Variants in AGBL4 observed in about 807,000 individuals in gnomAD.
The protein encoded by AGBL4 is cytosolic carboxypeptidase 6.
Under a neutral mutation model 66.4 loss-of-function variants are expected in AGBL4, and 58 were observed. The ratio of observed to expected loss-of-function variants is 0.87; its 90% confidence interval spans 0.71 to 1.09. The LOEUF is 1.09. AGBL4 is among the 50% of genes least tolerant of loss of function. The probability of loss-of-function intolerance (pLI) is 0.00; values close to 1 mark genes in which losing one functional copy is unlikely to be tolerated. For synonymous variants in AGBL4, 234 were observed against 222.9 expected, an observed-to-expected ratio of 1.05 and a Z score of -0.44; for missense variants, 579 against 631.0, an observed-to-expected ratio of 0.92 and a Z score of 0.88.
chr1:49,477,067 T>C (rs1236739545), intron 3 of AGBL4, among the ~76,000 whole-genome samples: 1 of 152,026 alleles, frequency 6.6e-6, no homozygotes, highest in Non-Finnish European at 1.5e-5. Flanking sequence ...GAATACCAGG[T>C]AGGTTTTTTA....
intron 3 of AGBL4, among the ~76,000 whole-genome samples, chr1:49,327,423 T>C (rs890876718): frequency 6.6e-6 from 1 of 152,222 alleles, no homozygotes. Context: ...AGTCCATTCA[T>C]GCTGTCATAC....
intron 12 of AGBL4, among the ~76,000 whole-genome samples, chr1:48,539,322 T>C (rs573578936): frequency 6.6e-6 from 1 of 152,264 alleles, no homozygotes; most frequent in Admixed American, 6.5e-5. Flanking sequence ...GGATGAGGTA[T>C]CAGGAGAGGT....
At chr1:49,006,167 G>C (rs546156428) in intron 5 of AGBL4, among the ~76,000 whole-genome samples, 2 of 152,118 alleles carry the variant, frequency 1.3e-5, no homozygotes, top group African/African-American at 2.4e-5. Context: ...CAGTGGGTGC[G>C]TGCACCGTGC....
intron 1 of AGBL4, among the ~76,000 whole-genome samples, chr1:49,867,460 G>A (rs1016579256): frequency 3.3e-5 from 5 of 150,796 alleles, no homozygotes; most frequent in African/African-American, 7.3e-5. Flanking sequence ...ATTTACATTA[G>A]GTATATCTCC....
intron 6 of AGBL4, among the ~76,000 whole-genome samples, chr1:48,863,909 G>T (rs1014551679): frequency 5.3e-5 from 8 of 151,916 alleles, no homozygotes; most frequent in African/African-American, 1.9e-4. Flanking sequence ...AGCCACAAAA[G>T]TAAAGCCTAT....
chr1:49,547,789 C>A lies in AGBL4; in HGVS notation c.282+149524G>T, dbSNP rs555557990. Among the ~76,000 whole-genome samples, 590 of 112,052 alleles carry A rather than the reference C, an allele frequency of 5.3e-3. 2 individuals are homozygous for A. The highest frequency in any genetic ancestry group is 0.021 in the Middle Eastern group (4 of 188). The allele number at this position is 112,052 out of a possible 152,430, so 73.5% of individuals were successfully genotyped here. On this transcript the variant is annotated intron_variant, in intron 3 of 13. Coordinates refer to ENST00000371839, the MANE Select transcript of AGBL4 (RefSeq NM_032785.4). ...AGGGGTTGAGTCTTTTTTTTTTTTT[C>A]TTGAGACAGAGTCTTACTCTGTCAC... is the stretch of plus-strand genomic sequence containing the variant.
chr1:49,011,731 G>A (rs556253228), intron 5 of AGBL4, among the ~76,000 whole-genome samples: 1 of 152,154 alleles, frequency 6.6e-6, no homozygotes, highest in East Asian at 1.9e-4. Flanking sequence ...GTCCTTTGTA[G>A]GGACATGGAT....
chr1:48,800,059 T>A lies in AGBL4; in HGVS notation c.634+67132A>T, dbSNP rs1327017800. On this transcript the variant is annotated intron_variant, in intron 6 of 13. Transcript: ENST00000371839. ...CCTCTTTTTGTATCTTTTGGAATAG[T>A]TTCAGTAGGATTGGTACCAATTCTT... Among the ~76,000 whole-genome samples, 3 of 152,236 alleles carry A rather than the reference T, an allele frequency of 2.0e-5. No homozygotes were observed. The South Asian group carries it at 6.2e-4, about 31-fold the overall frequency.
intron 3 of AGBL4, among the ~76,000 whole-genome samples, chr1:49,457,799 C>A (rs1310891475): frequency 6.6e-6 from 1 of 151,740 alleles, no homozygotes; most frequent in South Asian, 2.1e-4. Context: ...TATCCCAGCA[C>A]CGTTTGTTGA....
intron 5 of AGBL4, among the ~76,000 whole-genome samples, chr1:48,992,802 T>A (rs1005336188): frequency 1.3e-5 from 2 of 152,028 alleles, no homozygotes; most frequent in African/African-American, 4.8e-5. Flanking sequence ...CTACCACTTA[T>A]GTTCACCCCA....
chr1:49,430,090 C>T (rs576881741), intron 3 of AGBL4, among the ~76,000 whole-genome samples: 69 of 152,114 alleles, frequency 4.5e-4, no homozygotes, highest in African/African-American at 1.2e-3. Flanking sequence ...TGAGCTCAAG[C>T]AATCCACCTG....
intron 12 of AGBL4, among the ~76,000 whole-genome samples, chr1:48,538,758 G>A (rs963442739): frequency 1.5e-4 from 23 of 152,188 alleles, no homozygotes; most frequent in South Asian, 2.1e-4. Flanking sequence ...CAATAACAGC[G>A]TAGGGAGGAA....
At chr1:49,492,821 G>A (rs1647225594) in intron 3 of AGBL4, among the ~76,000 whole-genome samples, 1 of 151,906 alleles carries the variant, frequency 6.6e-6, no homozygotes, top group African/African-American at 2.4e-5. Context: ...CCTTTACTGA[G>A]CACTGTATTA....
chr1:48,819,120 C>G (rs571554997), intron 6 of AGBL4, among the ~76,000 whole-genome samples: 1 of 152,170 alleles, frequency 6.6e-6, no homozygotes, highest in African/African-American at 2.4e-5. Flanking sequence ...CCTAAATCAG[C>G]CTGGGTGGTC....
intron 3 of AGBL4, among the ~76,000 whole-genome samples, chr1:49,386,646 T>G (rs879182698): frequency 6.6e-6 from 1 of 152,036 alleles, no homozygotes; most frequent in African/African-American, 2.4e-5. Flanking sequence ...CCCTGTTCAC[T>G]TGATGATTCA....
chr1:48,983,201 TA>T (rs896339794), intron 5 of AGBL4, among the ~76,000 whole-genome samples: 9 of 151,852 alleles, frequency 5.9e-5, no homozygotes, highest in South Asian at 2.1e-4. Flanking sequence ...TTCTAATACT[TA>T]AAAAAAACCC....
intron 2 of AGBL4, among the ~76,000 whole-genome samples, chr1:49,836,074 A>T (rs1286284385): frequency 6.6e-6 from 1 of 151,888 alleles, no homozygotes; most frequent in Admixed American, 6.6e-5. Context: ...GCTCTTCTCG[A>T]GGGGTATCTT....
chr1:48,612,962 C>T (rs1645262006), intron 9 of AGBL4, among the ~76,000 whole-genome samples: 1 of 152,106 alleles, frequency 6.6e-6, no homozygotes, highest in African/African-American at 2.4e-5. Flanking sequence ...GGCAAAACCC[C>T]ATCTCTACTA....
chr1:49,699,279 T>C (rs1490718006), intron 2 of AGBL4, among the ~76,000 whole-genome samples: 1 of 152,072 alleles, frequency 6.6e-6, no homozygotes, highest in African/African-American at 2.4e-5. Context: ...AACTACTCTG[T>C]TGACCTTCTT....
Sources: gnomAD v4.1 joint callset for allele counts (sites outside exome capture counted in the v4.1 genomes callset) on GRCh38, gnomAD v4.1.1 for gene constraint, MANE v1.5 for transcripts, NCBI Gene and HGNC (gene_info 2026-07-23, HGNC 2026-07-21) for gene names.